The following MTREX variants were observed in gnomAD, a reference collection of about 807,000 sequenced individuals.
MTREX encodes the protein Mtr4 exosome RNA helicase, also known as exosome RNA helicase MTR4.
A neutral mutation model predicts 135.4 loss-of-function variants in MTREX; 76 were observed. The observed-to-expected ratio is 0.56, with a 90% confidence interval of 0.47 to 0.68. The LOEUF (loss-of-function observed/expected upper bound fraction) is 0.68. MTREX is among the 30% of genes least tolerant of loss of function. The pLI is 0.00. For synonymous variants in MTREX, 404 were observed against 401.6 expected, an observed-to-expected ratio of 1.01 and a Z score of -0.07; for missense variants, 920 against 1,262.1, an observed-to-expected ratio of 0.73 and a Z score of 4.11.
intron 25 of MTREX, among the ~76,000 whole-genome samples, chr5:55,417,909 A>T (rs1030210088): frequency 1.3e-5 from 2 of 151,524 alleles, no homozygotes; most frequent in Admixed American, 6.6e-5. Flanking sequence ...TTATTTTTTT[A>T]TTTTTATTTT....
intron 5 of MTREX, 37 bp downstream of exon 5, chr5:55,328,848 A>T (rs770855930): frequency 7.4e-7 from 1 of 1,345,904 alleles, no homozygotes; most frequent in Non-Finnish European, 1.1e-6. Context: ...TTTGTTTCTT[A>T]TTTCACTCTT....
At chr5:55,326,517 T>C (rs777381623) in intron 3 of MTREX, among the ~76,000 whole-genome samples, 7 of 152,182 alleles carry the variant, frequency 4.6e-5, no homozygotes, top group Non-Finnish European at 8.8e-5. Flanking sequence ...CTTCCCACTT[T>C]CTCAGCAGGG....
chr5:55,408,948 T>C (rs953140994), intron 22 of MTREX, among the ~76,000 whole-genome samples: 7 of 150,290 alleles, frequency 4.7e-5, no homozygotes, highest in Non-Finnish European at 1.0e-4. Flanking sequence ...TTTATTTATT[T>C]ATTTATTTAT....
intron 23 of MTREX, 141 bp downstream of exon 23, chr5:55,410,770 A>C (rs1460953340): frequency 2.1e-6 from 1 of 474,852 alleles, no homozygotes; most frequent in African/African-American, 2.0e-5. Context: ...ACTTTAACAC[A>C]AATGTACTAA....
intron 21 of MTREX, 149 bp downstream of exon 21, chr5:55,400,570 C>G: frequency 1.9e-6 from 1 of 525,912 alleles, no homozygotes; most frequent in South Asian, 3.9e-5. Context: ...CTGAACCTGT[C>G]AGCTCTCATC....
chr5:55,392,539 T>C (rs1750586386), intron 19 of MTREX, among the ~76,000 whole-genome samples: 1 of 67,998 alleles, frequency 1.5e-5, no homozygotes, highest in Non-Finnish European at 2.6e-5. Flanking sequence ...AAGGGCTCTG[T>C]CTAAAAAAAA....
intron 18 of MTREX, among the ~76,000 whole-genome samples, chr5:55,383,640 A>G (rs539449428): frequency 6.6e-6 from 1 of 152,256 alleles, no homozygotes; most frequent in Non-Finnish European, 1.5e-5. Context: ...ATTATGATAA[A>G]TGTATCTGCA....
At chr5:55,410,064 A>C (rs1750862491) in intron 22 of MTREX, among the ~76,000 whole-genome samples, 1 of 152,148 alleles carries the variant, frequency 6.6e-6, no homozygotes, top group African/African-American at 2.4e-5. Context: ...TAATATAAAA[A>C]CTTTAAAAAA....
intron 1 of MTREX, among the ~76,000 whole-genome samples, chr5:55,311,644 C>T (rs1749114831): frequency 6.6e-6 from 1 of 152,196 alleles, no homozygotes; most frequent in Non-Finnish European, 1.5e-5. Flanking sequence ...ATAATAGCCA[C>T]TATCCTCACG....
chr5:55,405,159 C>G, intron 21 of MTREX: 1 of 249,948 alleles, frequency 4.0e-6, no homozygotes, highest in Non-Finnish European at 7.6e-6. Context: ...TCAAATTTTT[C>G]AAATGGACAT....
At chr5:55,413,651 A>G (rs1750920544) in intron 23 of MTREX, among the ~76,000 whole-genome samples, 1 of 152,224 alleles carries the variant, frequency 6.6e-6, no homozygotes, top group Admixed American at 6.5e-5. Context: ...AGCAATACTA[A>G]GAATACTGAA....
chr5:55,405,693 A>C, intron 22 of MTREX, 105 bp downstream of exon 22: 1 of 947,350 alleles, frequency 1.1e-6, no homozygotes, highest in Non-Finnish European at 1.6e-6. Context: ...CCCAGGCTGG[A>C]GTGCACTGGC....
At position 55,308,154 on chromosome 5, in the gene MTREX, A is replaced by T. The variant is rs1473626377; in HGVS notation, c.134+7A>T. The T allele has an allele frequency of 1.9e-6, 3 of 1,583,806 alleles. No individual in the cohort carries two copies. The highest frequency in any genetic ancestry group is 2.6e-6 in the Non-Finnish European group (3 of 1,168,166). Reference sequence around the variant, plus strand: ...GGTCTGCAGACAAGGCAGGGTAAGGAAGAAGTTCCAGTTGTTGCTTTTATT... The same window carrying T: ...GGTCTGCAGACAAGGCAGGGTAAGGTAGAAGTTCCAGTTGTTGCTTTTATT... On this transcript the variant is annotated splice_region_variant and intron_variant, in intron 1 of 26. Transcript: ENST00000230640.
chr5:55,410,678 T>G (rs1261462490), intron 23 of MTREX, 49 bp downstream of exon 23: 5 of 1,090,028 alleles, frequency 4.6e-6, no homozygotes, highest in Non-Finnish European at 6.9e-6. Context: ...ACACATCATG[T>G]AGTTAATAGT....
At chr5:55,379,026 A>G in intron 17 of MTREX, 101 bp from the exon 18 acceptor site, 1 of 755,138 alleles carries the variant, frequency 1.3e-6, no homozygotes, top group Admixed American at 2.3e-5. Context: ...TTATCAGAAA[A>G]TTCAGAAAGC....
At position 55,405,605 on chromosome 5, in the gene MTREX, G is replaced by C. The variant is rs376942354; in HGVS notation, c.2645+17G>C. ...GATAAGCAGGTAAAATCTGGTTATT[G>C]TTCTAGAAAGTTCATTTTTTTTTTC... is the stretch of plus-strand genomic sequence containing the variant. On this transcript the variant is annotated intron_variant, in intron 22 of 26. Coordinates refer to ENST00000230640, the MANE Select transcript of MTREX (RefSeq NM_015360.5). The C allele has an allele frequency of 1.9e-6, 3 of 1,543,324 alleles. No homozygotes were observed. In the African/African-American group the frequency reaches 4.2e-5, roughly 21 times the overall value.
intron 7 of MTREX, 109 bp downstream of exon 7, chr5:55,341,880 T>G (rs1749654696): frequency 1.8e-6 from 1 of 552,040 alleles, no homozygotes; most frequent in Non-Finnish European, 3.2e-6. Context: ...TGGCTAGGGT[T>G]CTAATAAACT....
intron 18 of MTREX, among the ~76,000 whole-genome samples, chr5:55,381,060 T>C (rs926925788): frequency 6.6e-6 from 1 of 152,214 alleles, no homozygotes; most frequent in Non-Finnish European, 1.5e-5. Flanking sequence ...TTTATTGATA[T>C]ACAGTTATTC....
At chr5:55,381,984 ATTC>A (rs1479604494) in intron 18 of MTREX, among the ~76,000 whole-genome samples, 1 of 152,020 alleles carries the variant, frequency 6.6e-6, no homozygotes, top group African/African-American at 2.4e-5. Flanking sequence ...TCTTTTGATT[ATTC>A]TTTGCATAAT....
Sources: gnomAD v4.1 joint callset for allele counts (sites outside exome capture counted in the v4.1 genomes callset) on GRCh38, gnomAD v4.1.1 for gene constraint, MANE v1.5 for transcripts, NCBI Gene and HGNC (gene_info 2026-07-23, HGNC 2026-07-21) for gene names.